Variants in B3GALT1 observed in about 807,000 individuals in gnomAD.
The protein encoded by B3GALT1 is beta-1,3-galactosyltransferase 1.
In B3GALT1, 10 loss-of-function variants were observed where a neutral mutation model predicts 23.2. That is an observed-to-expected ratio of 0.43 (90% CI 0.27 to 0.73). B3GALT1 has a LOEUF of 0.73. Among genes scored for constraint, B3GALT1 ranks in the 30% least tolerant of loss-of-function variants. The pLI is 0.21. For missense variants in B3GALT1, 299 were observed against 405.4 expected, an observed-to-expected ratio of 0.74 and a Z score of 2.25; for synonymous variants, 156 against 141.5, an observed-to-expected ratio of 1.10 and a Z score of -0.73.
chr2:167,358,791 A>AGG (rs1697457046), intron 1 of B3GALT1, among the ~76,000 whole-genome samples: 1 of 152,118 alleles, frequency 6.6e-6, no homozygotes. Context: ...ATTCTTATTA[A>AGG]CAATATAAGG....
intron 2 of B3GALT1, among the ~76,000 whole-genome samples, chr2:167,490,754 T>C (rs1018652496): frequency 2.0e-5 from 3 of 152,144 alleles, no homozygotes; most frequent in Non-Finnish European, 4.4e-5. Context: ...CAACCTTTCC[T>C]TTTGGAAAGC....
At chr2:167,839,924 G>A (rs879654388) in intron 4 of B3GALT1, among the ~76,000 whole-genome samples, 2 of 152,026 alleles carry the variant, frequency 1.3e-5, no homozygotes, top group African/African-American at 2.4e-5. Flanking sequence ...AACAAGCAAT[G>A]GGGAAAGGAT....
chr2:167,529,374 T>C (rs1263919594), intron 2 of B3GALT1, among the ~76,000 whole-genome samples: 3 of 151,872 alleles, frequency 2.0e-5, no homozygotes, highest in African/African-American at 4.8e-5. Context: ...TGGCAACCTC[T>C]GAATTTATAC....
intron 4 of B3GALT1, among the ~76,000 whole-genome samples, chr2:167,863,008 G>A (rs765077628): frequency 2.0e-5 from 3 of 152,202 alleles, no homozygotes; most frequent in African/African-American, 7.2e-5. Context: ...TGTGTCATCA[G>A]TGTCTGTGGC....
chr2:167,414,040 C>G (rs945677827), intron 1 of B3GALT1, among the ~76,000 whole-genome samples: 11 of 151,916 alleles, frequency 7.2e-5, no homozygotes, highest in African/African-American at 2.4e-4. Flanking sequence ...GGCTAAGGCC[C>G]CATAACAAAA....
chr2:167,739,483 A>G (rs1340072979), intron 3 of B3GALT1, among the ~76,000 whole-genome samples: 1 of 152,168 alleles, frequency 6.6e-6, no homozygotes. Flanking sequence ...CCATGGTCCA[A>G]ATGGTTTTAT....
In B3GALT1 at chr2:167,387,914, G is replaced by A. The variant is rs572359739; in HGVS notation, c.-511+94580G>A. Among the ~76,000 whole-genome samples, 12 of 152,236 alleles carry A rather than the reference G, an allele frequency of 7.9e-5. No individual in the cohort carries two copies. The East Asian group carries it at 1.9e-3, about 24-fold the overall frequency. On this transcript the variant is annotated intron_variant, in intron 1 of 4. Transcript: ENST00000392690. ...TCTTTATTTCATAATAGCATTGAAC[G>A]ATATTTGAAAGGAACGTATGTAACT...
intron 1 of B3GALT1, among the ~76,000 whole-genome samples, chr2:167,406,550 C>T (rs1698281152): frequency 6.6e-6 from 1 of 152,198 alleles, no homozygotes. Flanking sequence ...AGTTTATGTA[C>T]TTGAAAAAGT....
intron 1 of B3GALT1, among the ~76,000 whole-genome samples, chr2:167,382,513 C>T (rs1055936187): frequency 1.3e-5 from 2 of 152,096 alleles, no homozygotes; most frequent in African/African-American, 4.8e-5. Flanking sequence ...CCTCTGTGTA[C>T]TTATCAAGCA....
At chr2:167,808,990 T>C (rs1203786562) in intron 3 of B3GALT1, among the ~76,000 whole-genome samples, 1 of 152,164 alleles carries the variant, frequency 6.6e-6, no homozygotes. Flanking sequence ...TTTCTTTTTA[T>C]TCTTTTTTCT....
At chr2:167,340,988 A>C (rs1697138408) in intron 1 of B3GALT1, among the ~76,000 whole-genome samples, 1 of 152,200 alleles carries the variant, frequency 6.6e-6, no homozygotes. Flanking sequence ...TCAAAACAAC[A>C]AAATAAATAA....
chr2:167,710,737 A>T (rs987379009), intron 3 of B3GALT1, among the ~76,000 whole-genome samples: 28 of 152,296 alleles, frequency 1.8e-4, no homozygotes, highest in African/African-American at 6.7e-4. Flanking sequence ...TAACGTGATC[A>T]TCCTTGGTTC....
intron 2 of B3GALT1, among the ~76,000 whole-genome samples, chr2:167,561,341 C>A (rs1206038717): frequency 6.6e-6 from 1 of 152,044 alleles, no homozygotes; most frequent in Non-Finnish European, 1.5e-5. Context: ...TAAATGCCCA[C>A]AAGAGAAAGC....
intron 4 of B3GALT1, among the ~76,000 whole-genome samples, chr2:167,867,591 A>G (rs1399650726): frequency 2.6e-5 from 4 of 152,158 alleles, no homozygotes; most frequent in Non-Finnish European, 5.9e-5. Flanking sequence ...TTTTTATTTC[A>G]TTATGACTAT....
At chr2:167,662,259 T>C (rs1291992094) in intron 3 of B3GALT1, among the ~76,000 whole-genome samples, 1 of 152,162 alleles carries the variant, frequency 6.6e-6, no homozygotes, top group Non-Finnish European at 1.5e-5. Flanking sequence ...TTTTTTTGTA[T>C]ATAAATAGCC....
At chr2:167,293,958 T>G (rs1696302054) in intron 1 of B3GALT1, among the ~76,000 whole-genome samples, 1 of 143,772 alleles carries the variant, frequency 7.0e-6, no homozygotes. Context: ...GGGTGGAGGT[T>G]ACTCTTGGGG....
intron 3 of B3GALT1, among the ~76,000 whole-genome samples, chr2:167,804,279 C>G (rs550219544): frequency 1.1e-4 from 17 of 152,136 alleles, no homozygotes; most frequent in African/African-American, 4.1e-4. Context: ...CATGAGCCAC[C>G]ATGCCCAGCC....
At chr2:167,405,623 G>C (rs774756980) in intron 1 of B3GALT1, among the ~76,000 whole-genome samples, 13 of 151,794 alleles carry the variant, frequency 8.6e-5, no homozygotes, top group Non-Finnish European at 1.5e-4. Context: ...TCAGACAAAG[G>C]GTTTTCTTTG....
chr2:167,811,832 CAGG>C (rs1036021356), intron 3 of B3GALT1, among the ~76,000 whole-genome samples: 42 of 152,232 alleles, frequency 2.8e-4, no homozygotes, highest in African/African-American at 9.9e-4. Flanking sequence ...CCACTTAAGT[CAGG>C]AGGAGGATTG....
Sources: allele counts gnomAD v4.1 joint callset (sites outside exome capture counted in the v4.1 genomes callset), GRCh38; gene constraint gnomAD v4.1.1; transcripts MANE v1.5; gene names NCBI Gene and HGNC (gene_info 2026-07-23, HGNC 2026-07-21).